The following CSMD1 variants were observed in gnomAD, a reference collection of about 807,000 sequenced individuals.
CSMD1 encodes CUB and sushi domain-containing protein 1.
A neutral mutation model predicts 417.5 loss-of-function variants in CSMD1; 213 were observed. The ratio of observed to expected loss-of-function variants is 0.51; its 90% CI spans 0.46 to 0.57. The LOEUF (loss-of-function observed/expected upper bound fraction) is 0.57, where lower values mean the gene tolerates loss of function less well. Among genes scored for constraint, CSMD1 ranks in the 20% least tolerant of loss-of-function variants. The pLI, the probability that CSMD1 is intolerant of heterozygous loss-of-function variation, is 0.00. For synonymous variants in CSMD1, 2,862 were observed against 1,736.8 expected, an observed-to-expected ratio of 1.65 and a Z score of -16.11; for missense variants, 6,923 against 4,529.7, an observed-to-expected ratio of 1.53 and a Z score of -15.17.
At chr8:3,284,576 G>T (rs988387367) in intron 25 of CSMD1, 23 of 532,232 alleles carry the variant, frequency 4.3e-5, no homozygotes, top group South Asian at 4.0e-4. Flanking sequence ...GACGCAGAGA[G>T]ATAGGTGAGC....
chr8:3,944,612 T>C (rs886866436), intron 5 of CSMD1, among the ~76,000 whole-genome samples: 4 of 152,152 alleles, frequency 2.6e-5, no homozygotes, highest in African/African-American at 9.6e-5. Flanking sequence ...TATGCCAACA[T>C]ATTCACCAAC....
intron 7 of CSMD1, among the ~76,000 whole-genome samples, chr8:3,694,371 C>A (rs114797480): frequency 0.02 from 2,986 of 152,256 alleles, 74 homozygotes; most frequent in African/African-American, 0.062. Context: ...TTTTCCCAAA[C>A]TGACACCCAG....
intron 1 of CSMD1, among the ~76,000 whole-genome samples, chr8:4,924,220 T>G (rs908267614): frequency 2.6e-5 from 4 of 152,216 alleles, no homozygotes; most frequent in African/African-American, 9.6e-5. Context: ...GTTATGATCA[T>G]GTAAGTTTTA....
At chr8:4,399,516 C>G (rs916510596) in intron 3 of CSMD1, among the ~76,000 whole-genome samples, 4 of 152,216 alleles carry the variant, frequency 2.6e-5, no homozygotes, top group Admixed American at 6.5e-5. Flanking sequence ...GCTTAACATT[C>G]AAGAAACTTT....
chr8:4,951,935 T>C (rs552284071), intron 1 of CSMD1, among the ~76,000 whole-genome samples: 1 of 151,390 alleles, frequency 6.6e-6, no homozygotes, highest in Non-Finnish European at 1.5e-5. Flanking sequence ...AATTATTTTT[T>C]CCCCTAGGCC....
At chr8:4,617,285 G>C (rs534941312) in intron 2 of CSMD1, among the ~76,000 whole-genome samples, 3 of 152,142 alleles carry the variant, frequency 2.0e-5, no homozygotes, top group East Asian at 3.9e-4. Context: ...TCTTTTGTTG[G>C]ATAATGTCTA....
rs182044023 is a variant in CSMD1 at position 3,974,027 on chromosome 8, T to C, written c.818+23876A>G. Reference sequence around the variant, plus strand: ...TTACACTCTTTAAGTTACTTTAAAATGTAGAGTGAAGTTATCATTGACTAT... The same window carrying C: ...TTACACTCTTTAAGTTACTTTAAAACGTAGAGTGAAGTTATCATTGACTAT... On this transcript the variant is annotated intron_variant, in intron 5 of 69. Coordinates refer to ENST00000635120, the MANE Select transcript of CSMD1 (RefSeq NM_033225.6). Among the ~76,000 whole-genome samples the C allele has an allele frequency of 1.4e-3, 209 of 152,300 alleles. 1 individual carries two copies. Among genetic ancestry groups the C allele is most frequent in the African/African-American group, 4.5e-3 (187 of 41,574 alleles).
intron 2 of CSMD1, among the ~76,000 whole-genome samples, chr8:4,521,419 T>A (rs977308322): frequency 6.6e-6 from 1 of 152,200 alleles, no homozygotes; most frequent in Non-Finnish European, 1.5e-5. Context: ...CTGTATTATT[T>A]GTATTTTTAA....
intron 5 of CSMD1, among the ~76,000 whole-genome samples, chr8:3,810,168 T>C (rs568795699): frequency 4.6e-5 from 7 of 152,302 alleles, no homozygotes; most frequent in Non-Finnish European, 7.3e-5. Context: ...GCCAGGCATA[T>C]AGCAGGTGCT....
chr8:3,673,615 C>T (rs953929748), intron 7 of CSMD1, among the ~76,000 whole-genome samples: 1 of 152,180 alleles, frequency 6.6e-6, no homozygotes. Context: ...AATAACTCAG[C>T]CTGTTTGACC....
chr8:4,315,059 C>A (rs1358148982), intron 3 of CSMD1, among the ~76,000 whole-genome samples: 1 of 152,122 alleles, frequency 6.6e-6, no homozygotes, highest in Non-Finnish European at 1.5e-5. Flanking sequence ...CTTCCCACTG[C>A]CCCGACCATT....
intron 3 of CSMD1, among the ~76,000 whole-genome samples, chr8:4,159,060 C>G (rs891172246): frequency 2.6e-5 from 4 of 152,040 alleles, no homozygotes; most frequent in African/African-American, 9.7e-5. Context: ...GGATTACAGG[C>G]TTGCACCACC....
chr8:3,520,039 T>TGTATATAC (rs1554452250), intron 10 of CSMD1, among the ~76,000 whole-genome samples: 1 of 147,110 alleles, frequency 6.8e-6, no homozygotes, highest in Admixed American at 6.8e-5. Flanking sequence ...TATATATATA[T>TGTATATAC]ACACGTATAG....
intron 5 of CSMD1, among the ~76,000 whole-genome samples, chr8:3,793,607 C>T (rs144837806): frequency 6.6e-6 from 1 of 152,082 alleles, no homozygotes; most frequent in Non-Finnish European, 1.5e-5. Context: ...TTGCAGTAAA[C>T]CTTCCCAAAT....
intron 3 of CSMD1, among the ~76,000 whole-genome samples, chr8:4,085,046 C>G (rs528128523): frequency 3.3e-5 from 5 of 152,220 alleles, no homozygotes; most frequent in East Asian, 3.9e-4. Context: ...TTCTAAAGTT[C>G]ATAAGCAATA....
At chr8:3,918,846 G>A (rs577271945) in intron 5 of CSMD1, among the ~76,000 whole-genome samples, 13 of 152,178 alleles carry the variant, frequency 8.5e-5, no homozygotes, top group African/African-American at 3.1e-4. Flanking sequence ...AAGATAATTA[G>A]AATGACACAA....
chr8:3,451,714 G>T lies in CSMD1; in HGVS notation c.1561+16998C>A, dbSNP rs533729173. On this transcript the variant is annotated intron_variant, in intron 12 of 69. Coordinates refer to ENST00000635120, the MANE Select transcript of CSMD1 (RefSeq NM_033225.6). ...ACCAGTACCATGCTGTTTTGGTTACGGTAGCCTTGTAATATAGTTTGAAGT... is the reference window on the plus strand; with the variant it reads ...ACCAGTACCATGCTGTTTTGGTTACTGTAGCCTTGTAATATAGTTTGAAGT... Among the ~76,000 whole-genome samples, 421 of 152,094 alleles carry T rather than the reference G, an allele frequency of 2.8e-3. 1 individual carries two copies. The highest frequency in any genetic ancestry group is 4.1e-3 in the Non-Finnish European group (282 of 67,970).
intron 6 of CSMD1, among the ~76,000 whole-genome samples, chr8:3,731,004 G>C (rs1212750762): frequency 6.6e-6 from 1 of 152,132 alleles, no homozygotes; most frequent in African/African-American, 2.4e-5. Flanking sequence ...ACAGATAAAA[G>C]TGAATTGAAC....
rs183970884 is a variant in CSMD1, at chr8:4,215,576, T to C, written c.416-183477A>G. 1.6e-4 allele frequency among the ~76,000 whole-genome samples: 25 copies of C among 152,140 alleles called. No homozygotes were observed. In the East Asian group the frequency reaches 4.8e-3, roughly 29 times the overall value. On this transcript the variant is annotated intron_variant, in intron 3 of 69. Coordinates refer to ENST00000635120, the MANE Select transcript of CSMD1 (RefSeq NM_033225.6). Reference sequence around the variant, plus strand: ...TGATAATCATAGATCAGGCATTTTTTCCCTAAAATTTATACATGAAATATG... The same window carrying C: ...TGATAATCATAGATCAGGCATTTTTCCCCTAAAATTTATACATGAAATATG...
Sources: gnomAD v4.1 joint callset for allele counts (sites outside exome capture counted in the v4.1 genomes callset) on GRCh38, gnomAD v4.1.1 for gene constraint, MANE v1.5 for transcripts, NCBI Gene and HGNC (gene_info 2026-07-23, HGNC 2026-07-21) for gene names.